The following CABCOCO1 variants were observed in gnomAD, a reference collection of about 807,000 sequenced individuals.
CABCOCO1 encodes the protein ciliary associated calcium binding coiled-coil 1.
A neutral mutation model predicts 35.7 loss-of-function variants in CABCOCO1; 28 were observed. The observed-to-expected ratio is 0.78, with a 90% confidence interval of 0.58 to 1.07. The LOEUF is 1.07. Ranked by LOEUF, CABCOCO1 falls within the 50% of genes least tolerant of loss-of-function variation. The pLI, the probability that CABCOCO1 is intolerant of heterozygous loss-of-function variation, is 0.00. For synonymous variants in CABCOCO1, 95 were observed against 100.1 expected (o/e 0.95, Z 0.30); for missense variants, 326 against 309.2 (o/e 1.05, Z -0.41).
intron 4 of CABCOCO1, among the ~76,000 whole-genome samples, chr10:61,687,570 C>T (rs1209478664): frequency 6.6e-6 from 1 of 152,134 alleles, no homozygotes; most frequent in East Asian, 1.9e-4. Flanking sequence ...GCCATAATGA[C>T]CCCTTCTGGA....
intron 1 of CABCOCO1, among the ~76,000 whole-genome samples, chr10:61,670,398 G>T (rs867691465): frequency 6.6e-6 from 1 of 151,570 alleles, no homozygotes; most frequent in Non-Finnish European, 1.5e-5. Context: ...ATATGACCTA[G>T]TTTAGATTAA....
At chr10:61,714,117 T>C (rs1381962228) in intron 5 of CABCOCO1, among the ~76,000 whole-genome samples, 1 of 152,206 alleles carries the variant, frequency 6.6e-6, no homozygotes, top group African/African-American at 2.4e-5. Context: ...TTGGTAGAAT[T>C]TGGCTGTGAA....
intron 1 of CABCOCO1, among the ~76,000 whole-genome samples, chr10:61,670,923 C>T (rs1390047914): frequency 6.6e-6 from 1 of 152,226 alleles, no homozygotes; most frequent in Non-Finnish European, 1.5e-5. Flanking sequence ...AAACTCTAAA[C>T]ATTTCTTTCT....
intron 5 of CABCOCO1, among the ~76,000 whole-genome samples, chr10:61,744,380 T>C (rs1763877310): frequency 6.6e-6 from 1 of 152,188 alleles, no homozygotes; most frequent in South Asian, 2.1e-4. Context: ...ATTGTTCATA[T>C]TTTATAGTGA....
At chr10:61,683,990 CTAAT>C (rs1839878974) in intron 3 of CABCOCO1, among the ~76,000 whole-genome samples, 1 of 152,080 alleles carries the variant, frequency 6.6e-6, no homozygotes. Flanking sequence ...CTCTGCATCT[CTAAT>C]TAATATCATT....
In CABCOCO1 at chr10:61,712,229, G is replaced by A. The variant is rs540778914; in HGVS notation, c.552+21608G>A. Among the ~76,000 whole-genome samples, 13 of 152,266 alleles carry A rather than the reference G, an allele frequency of 8.5e-5. No homozygotes were observed. The South Asian group carries it at 2.7e-3, about 32-fold the overall frequency. On this transcript the variant is annotated intron_variant, in intron 5 of 7. Transcript: ENST00000648843. ...CTGGTGTCAGATGGTTTCTCATCGT[G>A]GTTTTGATTTGCATTTCTCTGATGA...
intron 5 of CABCOCO1, among the ~76,000 whole-genome samples, chr10:61,714,499 G>T (rs1840812086): frequency 6.6e-6 from 1 of 151,956 alleles, no homozygotes; most frequent in South Asian, 2.1e-4. Flanking sequence ...GTTTTTTTGT[G>T]TCTCTATCTC....
At chr10:61,757,157 AGACG>A (rs757952282) in intron 5 of CABCOCO1, among the ~76,000 whole-genome samples, 2 of 151,874 alleles carry the variant, frequency 1.3e-5, no homozygotes, top group Non-Finnish European at 1.5e-5. Flanking sequence ...CTATTGCATC[AGACG>A]GTTTCATTTA....
At chr10:61,676,274 AAT>A (rs1373014439) in intron 2 of CABCOCO1, among the ~76,000 whole-genome samples, 1 of 152,228 alleles carries the variant, frequency 6.6e-6, no homozygotes, top group Non-Finnish European at 1.5e-5. Flanking sequence ...CTGAAAAATA[AAT>A]CAGTTCATTG....
At chr10:61,698,424 C>T (rs950652149) in intron 5 of CABCOCO1, among the ~76,000 whole-genome samples, 13 of 152,112 alleles carry the variant, frequency 8.5e-5, no homozygotes, top group African/African-American at 2.6e-4. Flanking sequence ...TTTTTGAAAG[C>T]GGTTCTGTAG....
chr10:61,751,509 A>C (rs1841784970), intron 5 of CABCOCO1, among the ~76,000 whole-genome samples: 1 of 152,156 alleles, frequency 6.6e-6, no homozygotes, highest in African/African-American at 2.4e-5. Context: ...TGATGCCACC[A>C]AACGATAAAG....
intron 1 of CABCOCO1, among the ~76,000 whole-genome samples, chr10:61,667,218 T>A (rs1168387838): frequency 6.8e-6 from 1 of 147,376 alleles, no homozygotes; most frequent in Non-Finnish European, 1.5e-5. Flanking sequence ...ATATGTTTAT[T>A]ATATACATTT....
chr10:61,687,466 C>A (rs920605978), intron 4 of CABCOCO1, among the ~76,000 whole-genome samples: 51 of 152,234 alleles, frequency 3.4e-4, no homozygotes, highest in African/African-American at 1.1e-3. Flanking sequence ...GTTTCTCTTG[C>A]AGAACACATT....
chr10:61,666,106 G>A (rs1839164846), intron 1 of CABCOCO1, among the ~76,000 whole-genome samples: 1 of 152,132 alleles, frequency 6.6e-6, no homozygotes, highest in South Asian at 2.1e-4. Flanking sequence ...ACATAATTTT[G>A]AGGGGTAAGA....
intron 5 of CABCOCO1, among the ~76,000 whole-genome samples, chr10:61,719,141 G>C (rs546584600): frequency 2.6e-5 from 4 of 152,104 alleles, no homozygotes; most frequent in Non-Finnish European, 5.9e-5. Flanking sequence ...GTATTAATAA[G>C]GCCCCGCTTC....
chr10:61,720,439 C>G (rs1480983019), intron 5 of CABCOCO1, among the ~76,000 whole-genome samples: 2 of 152,068 alleles, frequency 1.3e-5, no homozygotes, highest in East Asian at 3.9e-4. Context: ...AGGAAATGAT[C>G]TCAAATGTAC....
chr10:61,703,391 T>C (rs1411984612), intron 5 of CABCOCO1, among the ~76,000 whole-genome samples: 3 of 152,064 alleles, frequency 2.0e-5, no homozygotes, highest in African/African-American at 7.2e-5. Flanking sequence ...TAAAGTATTT[T>C]AGATGGGAAA....
chr10:61,707,761 G>A (rs182225143), intron 5 of CABCOCO1, among the ~76,000 whole-genome samples: 6 of 152,128 alleles, frequency 3.9e-5, no homozygotes, highest in Admixed American at 6.5e-5. Flanking sequence ...GAAATCTCCT[G>A]AAAATATACA....
intron 5 of CABCOCO1, among the ~76,000 whole-genome samples, chr10:61,728,595 T>C (rs781504147): frequency 1.8e-4 from 28 of 152,176 alleles, no homozygotes; most frequent in Non-Finnish European, 3.8e-4. Context: ...GAATTACTAG[T>C]TTTTAAAATA....
Sources: allele counts gnomAD v4.1 joint callset (sites outside exome capture counted in the v4.1 genomes callset), GRCh38; gene constraint gnomAD v4.1.1; transcripts MANE v1.5; gene names NCBI Gene and HGNC (gene_info 2026-07-23, HGNC 2026-07-21).